Variants in TBC1D19 observed in about 807,000 individuals in gnomAD.
TBC1D19 encodes TBC1 domain family member 19.
In TBC1D19, 60 loss-of-function variants were observed where a neutral mutation model predicts 89.0. That is an observed-to-expected ratio of 0.67 (90% confidence interval 0.55 to 0.84). The LOEUF (loss-of-function observed/expected upper bound fraction) is 0.84. Ranked by LOEUF, TBC1D19 falls within the 40% of genes least tolerant of loss-of-function variation. TBC1D19 has a pLI of 0.00. For missense variants in TBC1D19, 500 were observed against 610.8 expected (o/e 0.82, Z 1.91); for synonymous variants, 189 against 199.7 (o/e 0.95, Z 0.45).
chr4:26,857,309 T>C, the TBC1D19 span, among the ~76,000 whole-genome samples: 10 of 152,320 alleles, frequency 6.6e-5, no homozygotes, highest in African/African-American at 2.4e-4. Flanking sequence ...CTAACAGCGT[T>C]TCCACCGAAG....
chr4:26,722,260 T>G (rs1366491709), intron 15 of TBC1D19, among the ~76,000 whole-genome samples: 1 of 152,164 alleles, frequency 6.6e-6, no homozygotes, highest in South Asian at 2.1e-4. Context: ...CTTTTTATAT[T>G]TTATCTAAGA....
the TBC1D19 span, among the ~76,000 whole-genome samples, chr4:26,777,791 G>T: frequency 2.6e-5 from 4 of 152,202 alleles, no homozygotes; most frequent in Admixed American, 2.6e-4. Context: ...TAATCAGAAA[G>T]ATTTTTTGTC....
At chr4:26,829,470 C>A in the TBC1D19 span, among the ~76,000 whole-genome samples, 1 of 152,202 alleles carries the variant, frequency 6.6e-6, no homozygotes, top group Non-Finnish European at 1.5e-5. Flanking sequence ...CAAATCAACA[C>A]CCACTTCTTT....
chr4:26,688,495 A>G (rs1408714338), intron 13 of TBC1D19, 88 bp downstream of exon 13: 8 of 1,319,284 alleles, frequency 6.1e-6, no homozygotes, highest in Non-Finnish European at 6.8e-6. Flanking sequence ...TGTTGACTAA[A>G]TCTTTTTGTA....
At chr4:26,741,208 T>G (rs1021539716) in intron 17 of TBC1D19, among the ~76,000 whole-genome samples, 16 of 151,622 alleles carry the variant, frequency 1.1e-4, no homozygotes, top group Non-Finnish European at 1.9e-4. Flanking sequence ...TACAAAAAAT[T>G]AGCCTGGCGC....
chr4:26,717,976 T>G lies in TBC1D19; in HGVS notation c.998T>G (p.Phe333Cys). 2 of 1,612,366 alleles carry G rather than the reference T, an allele frequency of 1.2e-6. No homozygotes were observed. Among genetic ancestry groups the G allele is most frequent in the Non-Finnish European group, 1.7e-6 (2 of 1,179,112 alleles). Residue 333 changes from phenylalanine (F) to cysteine (C), a missense_variant, in exon 14 of 21, where the codon TTT becomes TGT. By Grantham distance (205) the Phe-to-Cys change is radical (BLOSUM62 -2). Around this residue, in one of 2 missense-constraint regions of TBC1D19, gnomAD observed 220 missense variants for 319.1 expected, o/e 0.69. Transcript: ENST00000264866. ...FSRDTSVLSHFAFNSASPPKS... is the reference protein window; with the variant it reads ...FSRDTSVLSHCAFNSASPPKS... The stretch of plus-strand genomic sequence containing the variant: ...CGGGATACATCTGTGTTGAGTCACT[T>G]TGCATTCAACAGTGCCTCGCCACCA...
At chr4:26,622,369 G>A (rs912501001) in intron 4 of TBC1D19, among the ~76,000 whole-genome samples, 2 of 152,032 alleles carry the variant, frequency 1.3e-5, no homozygotes, top group Non-Finnish European at 2.9e-5. Context: ...CATACTAGGT[G>A]TAAGAAACAA....
chr4:26,747,689 A>AGG (rs1718725343), intron 18 of TBC1D19, among the ~76,000 whole-genome samples: 1 of 152,358 alleles, frequency 6.6e-6, no homozygotes, highest in South Asian at 2.1e-4. Context: ...TTGATCCCTT[A>AGG]AGGCACCAGA....
At chr4:26,858,745 C>T in the TBC1D19 span, 2 of 152,166 alleles carry the variant, frequency 1.3e-5, no homozygotes, top group Non-Finnish European at 2.9e-5. Flanking sequence ...ATTCCTGGCC[C>T]CTGGCCTTCC....
chr4:26,654,780 A>C (rs910792722), intron 7 of TBC1D19, among the ~76,000 whole-genome samples: 1 of 152,098 alleles, frequency 6.6e-6, no homozygotes, highest in Non-Finnish European at 1.5e-5. Context: ...CATTTGTCTA[A>C]TCTTTTTTCA....
At chr4:26,756,921 C>T, downstream of TBC1D19, among the ~76,000 whole-genome samples, 1 of 152,188 alleles carries the variant, frequency 6.6e-6, no homozygotes, top group East Asian at 1.9e-4. Flanking sequence ...GACAACCACC[C>T]ACTTTGCTGC....
chr4:26,577,168 C>T (rs1353525314), intron 1 of TBC1D19, among the ~76,000 whole-genome samples: 2 of 152,228 alleles, frequency 1.3e-5, no homozygotes, highest in East Asian at 3.9e-4. Context: ...TTCAAGACTG[C>T]AATATCAACT....
At chr4:26,800,340 AT>A in the TBC1D19 span, among the ~76,000 whole-genome samples, 2 of 152,156 alleles carry the variant, frequency 1.3e-5, no homozygotes, top group Non-Finnish European at 2.9e-5. Context: ...TGAACTCATC[AT>A]TTTTTATGGC....
At chr4:26,814,272 C>T in the TBC1D19 span, among the ~76,000 whole-genome samples, 1 of 152,150 alleles carries the variant, frequency 6.6e-6, no homozygotes, top group Non-Finnish European at 1.5e-5. Context: ...TAAAAAGGAG[C>T]TAATAATTCC....
chr4:26,849,747 C>T, the TBC1D19 span, among the ~76,000 whole-genome samples: 1 of 152,190 alleles, frequency 6.6e-6, no homozygotes, highest in South Asian at 2.1e-4. Context: ...TGAAGATCCT[C>T]TTGTTGTTGG....
intron 17 of TBC1D19, among the ~76,000 whole-genome samples, chr4:26,740,376 G>A (rs1349372456): frequency 6.6e-6 from 1 of 152,098 alleles, no homozygotes; most frequent in Non-Finnish European, 1.5e-5. Flanking sequence ...CCTCGCAGGT[G>A]TTCAGTAAAT....
intron 13 of TBC1D19, among the ~76,000 whole-genome samples, chr4:26,715,810 C>T (rs1305770052): frequency 6.6e-6 from 1 of 152,076 alleles, no homozygotes; most frequent in Non-Finnish European, 1.5e-5. Flanking sequence ...CTACCAGCTG[C>T]TATAGTTAGT....
At chr4:26,627,414 A>G (rs970961450) in intron 4 of TBC1D19, among the ~76,000 whole-genome samples, 1 of 152,124 alleles carries the variant, frequency 6.6e-6, no homozygotes, top group East Asian at 1.9e-4. Context: ...CAGTAATGGG[A>G]TGGCTGGGTC....
chr4:26,786,324 G>C, the TBC1D19 span, among the ~76,000 whole-genome samples: 2 of 152,240 alleles, frequency 1.3e-5, no homozygotes, highest in East Asian at 3.9e-4. Flanking sequence ...AGTTCTTAGA[G>C]CTTCCAGTCT....
Sources: allele counts gnomAD v4.1 joint callset (sites outside exome capture counted in the v4.1 genomes callset), GRCh38; gene constraint gnomAD v4.1.1; regional missense constraint gnomAD v4.1.1; transcripts MANE v1.5; gene names NCBI Gene and HGNC (gene_info 2026-07-23, HGNC 2026-07-21).